Variants in EDDM13 observed in about 807,000 individuals in gnomAD.
EDDM13 encodes epididymal protein 13.
In EDDM13, 24 loss-of-function variants were observed where a neutral mutation model predicts 17.8. That is an observed-to-expected ratio of 1.35 (90% CI 0.98 to 1.90). The LOEUF (loss-of-function observed/expected upper bound fraction) is 1.90, where lower values mean the gene tolerates loss of function less well. Ranked by LOEUF, EDDM13 falls within the 40% of genes most tolerant of loss-of-function variation. EDDM13 has a pLI of 0.00. For synonymous variants in EDDM13, 31 were observed against 37.5 expected (o/e 0.83, Z 0.63); for missense variants, 97 against 100.8 (o/e 0.96, Z 0.16).
At chr19:56,299,019 G>A (rs1238038194) in intron 12 of EDDM13, among the ~76,000 whole-genome samples, 1 of 152,036 alleles carries the variant, frequency 6.6e-6, no homozygotes, top group Non-Finnish European at 1.5e-5. Flanking sequence ...ATGCGACAAT[G>A]GTTTAATAGG....
chr19:56,277,294 C>T (rs1336043979), intron 2 of EDDM13, among the ~76,000 whole-genome samples: 1 of 152,172 alleles, frequency 6.6e-6, no homozygotes, highest in African/African-American at 2.4e-5. Flanking sequence ...AGCATGCATC[C>T]ATTAATGAAT....
intron 3 of EDDM13, among the ~76,000 whole-genome samples, chr19:56,282,269 T>C (rs985464363): frequency 3.9e-5 from 6 of 152,094 alleles, no homozygotes; most frequent in Non-Finnish European, 8.8e-5. Flanking sequence ...ACCCCTGAAG[T>C]TTCTGACTTC....
In EDDM13 at chr19:56,272,962, T is replaced by C. The variant is rs911164653; in HGVS notation, c.85+43T>C. 3.5e-5 allele frequency: 32 copies of C among 908,714 alleles called. No individual in the cohort carries two copies. The South Asian group carries it at 1.3e-3, about 37-fold the overall frequency. 56.3% of individuals were successfully genotyped at this position (908,714 alleles called of 1,614,324 possible). ...GCCTTGTGTCCTCTATGTATTTTCTTACAACTTGGGAGGCTCTTGTGGGCT... is the reference window on the plus strand; with the variant it reads ...GCCTTGTGTCCTCTATGTATTTTCTCACAACTTGGGAGGCTCTTGTGGGCT... On this transcript the variant is annotated intron_variant, in intron 1 of 14. Transcript: ENST00000649256.
At chr19:56,285,626 A>G (rs1381517744) in intron 6 of EDDM13, among the ~76,000 whole-genome samples, 7 of 151,748 alleles carry the variant, frequency 4.6e-5, no homozygotes, top group African/African-American at 1.7e-4. Flanking sequence ...TGTTTGTTTT[A>G]ATTTTTAAAT....
chr19:56,281,036 T>C (rs929041917), intron 2 of EDDM13, among the ~76,000 whole-genome samples: 3 of 152,214 alleles, frequency 2.0e-5, no homozygotes, highest in African/African-American at 7.2e-5. Context: ...CCAGAAGACT[T>C]ACTAATAACA....
Position 56,277,075 on chromosome 19 carries a change from C to G in EDDM13, c.103+966C>G, listed in dbSNP as rs114271045. On this transcript the variant is annotated intron_variant, in intron 2 of 14. Transcript: ENST00000649256. The stretch of plus-strand genomic sequence containing the variant: ...ACTAACTAACGTGGAGAAATCAGAA[C>G]CCTCATATGCTGCTGGTGGGAATGT... Among the ~76,000 whole-genome samples, 1,241 of 152,214 alleles carry G rather than the reference C, an allele frequency of 8.2e-3. 17 individuals are homozygous for G. The highest frequency in any genetic ancestry group is 0.028 in the African/African-American group (1,167 of 41,510).
intron 8 of EDDM13, among the ~76,000 whole-genome samples, chr19:56,289,978 A>G (rs899573872): frequency 6.6e-6 from 1 of 152,214 alleles, no homozygotes; most frequent in African/African-American, 2.4e-5. Flanking sequence ...GTTGAAGAAA[A>G]CGAATACTGG....
intron 13 of EDDM13, 23 bp downstream of exon 13, chr19:56,302,118 G>C (rs1184701024): frequency 2.4e-5 from 30 of 1,230,724 alleles, no homozygotes; most frequent in Non-Finnish European, 2.9e-5. Flanking sequence ...CAGCACGGAG[G>C]GGAGGAGTGT....
At chr19:56,309,439 A>G (rs905972393) in intron 14 of EDDM13, among the ~76,000 whole-genome samples, 1 of 152,200 alleles carries the variant, frequency 6.6e-6, no homozygotes, top group East Asian at 1.9e-4. Flanking sequence ...AAATGGTTAA[A>G]ATGGTGAATT....
At chr19:56,280,403 A>G (rs1001926564) in intron 2 of EDDM13, among the ~76,000 whole-genome samples, 3 of 152,210 alleles carry the variant, frequency 2.0e-5, no homozygotes, top group Non-Finnish European at 4.4e-5. Flanking sequence ...ATAATCCTTC[A>G]AAGAAAAATT....
chr19:56,289,445 A>G (rs1170053590), intron 8 of EDDM13, among the ~76,000 whole-genome samples: 1 of 152,182 alleles, frequency 6.6e-6, no homozygotes, highest in Non-Finnish European at 1.5e-5. Flanking sequence ...TTCGGAAGAC[A>G]GACGTATTTA....
intron 9 of EDDM13, among the ~76,000 whole-genome samples, chr19:56,293,706 G>A (rs1044111411): frequency 3.9e-5 from 6 of 152,136 alleles, no homozygotes; most frequent in African/African-American, 1.2e-4. Flanking sequence ...GGGAGATTTC[G>A]CCCCTCAGGG....
chr19:56,302,073 T>C lies in EDDM13; in HGVS notation c.401T>C (p.Val134Ala). 4.1e-6 allele frequency: 5 copies of C among 1,231,686 alleles called. No homozygotes were observed. Among genetic ancestry groups the C allele is most frequent in the Non-Finnish European group, 5.1e-6 (5 of 988,026 alleles). The allele number at this position is 1,231,686 out of a possible 1,614,324, so 76.3% of individuals were successfully genotyped here. ...TACATGGTGATGACCTACCTCTTCG[T>C]ATCCTACAACAAAGGGGACTGGGTA... Reference protein sequence around the residue: ...CAYMVMTYLFVSYNKGDWCYC... With the variant: ...CAYMVMTYLFASYNKGDWCYC... Residue 134 changes from valine to alanine, a missense_variant, in exon 13 of 15, where the codon GTA becomes GCA. Val to Ala is a moderately conservative substitution (Grantham distance 64). Transcript: ENST00000649256.
chr19:56,297,018 G>A (rs1046167636), intron 11 of EDDM13, among the ~76,000 whole-genome samples: 28 of 151,882 alleles, frequency 1.8e-4, no homozygotes, highest in South Asian at 2.1e-4. Flanking sequence ...GCAGTGAGCC[G>A]AGATCATGCC....
chr19:56,289,077 A>C (rs1007365150), intron 8 of EDDM13, among the ~76,000 whole-genome samples, 186 bp downstream of exon 8: 2 of 152,250 alleles, frequency 1.3e-5, no homozygotes, highest in South Asian at 2.1e-4. Flanking sequence ...TGTGCTGGTA[A>C]ATGTCTAACA....
chr19:56,302,547 T>TTTCTTCCTCCCCCTCTTCTTC (rs1568726189), intron 13 of EDDM13, among the ~76,000 whole-genome samples: 1 of 78,804 alleles, frequency 1.3e-5, no homozygotes, highest in Non-Finnish European at 2.3e-5. Flanking sequence ...TCCTCCCCGT[T>TTTCTTCCTCCCCCTCTTCTTC]CCTCCCTCCC....
intron 1 of EDDM13, among the ~76,000 whole-genome samples, chr19:56,273,426 T>C (rs1367032220): frequency 6.6e-6 from 1 of 152,170 alleles, no homozygotes; most frequent in Non-Finnish European, 1.5e-5. Flanking sequence ...TGTTTATTCC[T>C]GGTTCTTTCC....
chr19:56,297,472 G>A (rs1414491763), intron 11 of EDDM13, 33 bp from the exon 12 acceptor site: 1 of 951,034 alleles, frequency 1.1e-6, no homozygotes, highest in Non-Finnish European at 1.2e-6. Context: ...TTCTCTTCCT[G>A]CTTCTTTTTC....
chr19:56,273,269 A>C (rs1338307473), intron 1 of EDDM13, among the ~76,000 whole-genome samples: 4 of 152,228 alleles, frequency 2.6e-5, no homozygotes, highest in Admixed American at 6.5e-5. Flanking sequence ...TACGTTGTGC[A>C]GTGCCTGGAA....
Sources: gnomAD v4.1 joint callset for allele counts (sites outside exome capture counted in the v4.1 genomes callset) on GRCh38, gnomAD v4.1.1 for gene constraint, MANE v1.5 for transcripts, NCBI Gene and HGNC (gene_info 2026-07-23, HGNC 2026-07-21) for gene names.